The following NEK10 variants were observed in gnomAD, a reference collection of about 807,000 sequenced individuals.
NEK10 encodes the protein NIMA related kinase 10, also known as serine/threonine-protein kinase Nek10.
A neutral mutation model predicts 159.8 loss-of-function variants in NEK10; 122 were observed. The observed-to-expected ratio is 0.76, with a 90% CI of 0.66 to 0.89. The LOEUF (loss-of-function observed/expected upper bound fraction) is 0.89. Ranked by LOEUF, NEK10 falls within the 40% of genes least tolerant of loss-of-function variation. The pLI is 0.00. For missense variants in NEK10, 1,342 were observed against 1,323.1 expected (o/e 1.01, Z -0.22); for synonymous variants, 466 against 457.1 (o/e 1.02, Z -0.25).
At chr3:27,221,688 T>C (rs1260095069) in intron 23 of NEK10, among the ~76,000 whole-genome samples, 2 of 152,230 alleles carry the variant, frequency 1.3e-5, no homozygotes, top group African/African-American at 2.4e-5. Context: ...AACTGCCATC[T>C]CCACATCAGA....
At chr3:27,159,371 T>C (rs1392615034) in intron 30 of NEK10, among the ~76,000 whole-genome samples, 1 of 152,136 alleles carries the variant, frequency 6.6e-6, no homozygotes. Context: ...TTTACAGAAA[T>C]AATAACAACT....
At chr3:27,268,088 T>C (rs1179909366) in intron 22 of NEK10, among the ~76,000 whole-genome samples, 4 of 152,242 alleles carry the variant, frequency 2.6e-5, no homozygotes, top group African/African-American at 7.2e-5. Flanking sequence ...AGCAAGGCCC[T>C]AACTCTCTTC....
intron 1 of NEK10, among the ~76,000 whole-genome samples, chr3:27,362,959 T>C (rs1029876738): frequency 6.6e-6 from 1 of 152,114 alleles, no homozygotes; most frequent in Non-Finnish European, 1.5e-5. Context: ...CTTTTTATGG[T>C]ACATATTTGA....
chr3:27,318,539 A>G (rs1460782303), intron 6 of NEK10, among the ~76,000 whole-genome samples: 1 of 152,246 alleles, frequency 6.6e-6, no homozygotes, highest in Non-Finnish European at 1.5e-5. Flanking sequence ...ATAAGAATAC[A>G]CAAGTACACA....
At chr3:27,314,180 T>G in intron 7 of NEK10, 117 bp downstream of exon 7, 1 of 725,830 alleles carries the variant, frequency 1.4e-6, no homozygotes, top group African/African-American at 1.8e-5. Context: ...TCTGTCCCTC[T>G]CTGGGGCAGA....
intron 26 of NEK10, among the ~76,000 whole-genome samples, chr3:27,184,841 A>G (rs1948463741): frequency 6.6e-6 from 1 of 152,218 alleles, no homozygotes; most frequent in Non-Finnish European, 1.5e-5. Context: ...GCTTAATTTA[A>G]TCTCCTAGCA....
intron 23 of NEK10, among the ~76,000 whole-genome samples, chr3:27,205,225 T>A (rs9757422): frequency 0.22 from 31,223 of 144,636 alleles, 3,680 homozygotes; most frequent in Middle Eastern, 0.34. Context: ...AACAAATGGA[T>A]AAACATTCCA....
intron 23 of NEK10, among the ~76,000 whole-genome samples, chr3:27,204,275 CTTTTTTT>C (rs1203026508): frequency 1.6e-5 from 1 of 64,006 alleles, no homozygotes; most frequent in African/African-American, 5.5e-5. Flanking sequence ...GATAAATTTT[CTTTTTTT>C]TTTTTTTTTT....
At chr3:27,335,426 C>G (rs1182549460) in intron 5 of NEK10, among the ~76,000 whole-genome samples, 1 of 151,812 alleles carries the variant, frequency 6.6e-6, no homozygotes, top group African/African-American at 2.4e-5. Flanking sequence ...TTAAAACCCC[C>G]ACTCTCAGCA....
intron 23 of NEK10, among the ~76,000 whole-genome samples, chr3:27,230,952 C>A (rs1203905998): frequency 6.6e-6 from 1 of 151,918 alleles, no homozygotes; most frequent in Non-Finnish European, 1.5e-5. Flanking sequence ...ATAGACAGAT[C>A]ATCAAGACAG....
intron 23 of NEK10, among the ~76,000 whole-genome samples, chr3:27,248,343 T>A (rs574976217): frequency 3.3e-5 from 5 of 152,282 alleles, no homozygotes; most frequent in African/African-American, 9.6e-5. Context: ...TTGTATTGTT[T>A]TCTTCATTTC....
intron 23 of NEK10, among the ~76,000 whole-genome samples, chr3:27,232,854 G>A (rs919037359): frequency 6.6e-6 from 1 of 151,994 alleles, no homozygotes; most frequent in Admixed American, 6.6e-5. Context: ...TAACTGGCAA[G>A]CCACATGTAG....
At chr3:27,149,917 A>G (rs1406562632) in intron 30 of NEK10, among the ~76,000 whole-genome samples, 1 of 152,230 alleles carries the variant, frequency 6.6e-6, no homozygotes, top group Non-Finnish European at 1.5e-5. Flanking sequence ...TTTGTGGAAA[A>G]TTAGAAGTGC....
intron 25 of NEK10, among the ~76,000 whole-genome samples, chr3:27,196,914 C>T (rs1440990850): frequency 6.6e-6 from 1 of 152,080 alleles, no homozygotes; most frequent in African/African-American, 2.4e-5. Context: ...TCATTAGCAA[C>T]AAGGCATGAT....
At chr3:27,250,389 T>C (rs1955527120) in intron 23 of NEK10, among the ~76,000 whole-genome samples, 1 of 152,170 alleles carries the variant, frequency 6.6e-6, no homozygotes, top group African/African-American at 2.4e-5. Context: ...GGTTTCACTG[T>C]GTTAGTCAGG....
chr3:27,283,505 G>A (rs547316394), intron 22 of NEK10, among the ~76,000 whole-genome samples: 46 of 152,184 alleles, frequency 3.0e-4, no homozygotes, highest in African/African-American at 1.1e-3. Flanking sequence ...TTTTATTGCT[G>A]GGATGTTACG....
intron 4 of NEK10, among the ~76,000 whole-genome samples, chr3:27,345,739 G>T (rs1046576369): frequency 6.6e-6 from 1 of 152,122 alleles, no homozygotes; most frequent in Admixed American, 6.5e-5. Context: ...TCACAGCAAC[G>T]GCTCCTTTTA....
chr3:27,154,493 A>G (rs1945209750), intron 30 of NEK10, among the ~76,000 whole-genome samples: 1 of 152,190 alleles, frequency 6.6e-6, no homozygotes, highest in South Asian at 2.1e-4. Context: ...GGACATAATC[A>G]AAAAAGAAAA....
intron 26 of NEK10, among the ~76,000 whole-genome samples, chr3:27,191,732 T>C (rs1949139170): frequency 6.6e-6 from 1 of 152,214 alleles, no homozygotes; most frequent in Non-Finnish European, 1.5e-5. Flanking sequence ...AAATTAAATA[T>C]AAGCATTCAC....
Sources: allele counts gnomAD v4.1 joint callset (sites outside exome capture counted in the v4.1 genomes callset), GRCh38; gene constraint gnomAD v4.1.1; transcripts MANE v1.5; gene names NCBI Gene and HGNC (gene_info 2026-07-23, HGNC 2026-07-21).